The following KCNAB2 variants were observed in gnomAD, a reference collection of about 807,000 sequenced individuals.
KCNAB2 encodes the protein potassium voltage-gated channel subfamily A regulatory beta subunit 2.
A neutral mutation model predicts 63.6 loss-of-function variants in KCNAB2; 29 were observed. That is an observed-to-expected ratio of 0.46 (90% confidence interval 0.34 to 0.62). The LOEUF (loss-of-function observed/expected upper bound fraction) is 0.62, where lower values mean the gene tolerates loss of function less well. Among genes scored for constraint, KCNAB2 ranks in the 20% least tolerant of loss-of-function variants. The probability of loss-of-function intolerance (pLI) is 0.01; values close to 1 mark genes in which losing one functional copy is unlikely to be tolerated. For synonymous variants in KCNAB2, 222 were observed against 224.2 expected (o/e 0.99, Z 0.09); for missense variants, 359 against 563.9 (o/e 0.64, Z 3.68).
intron 2 of KCNAB2, among the ~76,000 whole-genome samples, chr1:6,067,806 G>A (rs1327204373): frequency 1.3e-5 from 2 of 152,164 alleles, no homozygotes; most frequent in Non-Finnish European, 2.9e-5. Flanking sequence ...GAGGAGGGTG[G>A]ATCACTTGAG....
At chr1:6,068,625 G>A (rs913220446) in intron 2 of KCNAB2, among the ~76,000 whole-genome samples, 2 of 152,174 alleles carry the variant, frequency 1.3e-5, no homozygotes, top group Non-Finnish European at 2.9e-5. Context: ...AGAATCCAAA[G>A]CCTGTGCCAT....
chr1:6,082,537 T>C (rs1664298218), intron 5 of KCNAB2, among the ~76,000 whole-genome samples: 1 of 152,190 alleles, frequency 6.6e-6, no homozygotes, highest in Admixed American at 6.5e-5. Flanking sequence ...GATGCTGTGC[T>C]GGGTGAGAGG....
intron 8 of KCNAB2, among the ~76,000 whole-genome samples, chr1:6,089,325 G>C (rs1211507370): frequency 1.3e-5 from 2 of 152,216 alleles, no homozygotes; most frequent in Non-Finnish European, 2.9e-5. Flanking sequence ...TGGGTCTTCA[G>C]CAGGGGCACC....
At chr1:6,039,553 C>T (rs1660327566) in intron 1 of KCNAB2, among the ~76,000 whole-genome samples, 1 of 152,170 alleles carries the variant, frequency 6.6e-6, no homozygotes, top group Non-Finnish European at 1.5e-5. Context: ...CATCACAAAC[C>T]CTGCAGCTTC....
rs146352257 is a variant in KCNAB2, at chr1:6,084,162, T to C, written c.381-1042T>C. On this transcript the variant is annotated intron_variant, in intron 5 of 15. Coordinates refer to ENST00000378083, the MANE Select transcript of KCNAB2 (RefSeq NM_001199862.2). ...ATTGGAATGTAGCACAGAGTATGGA[T>C]CATTCTCCGTCTGTTGTTTTGCTCA... Among the ~76,000 whole-genome samples the C allele has an allele frequency of 2.6e-3, 396 of 152,348 alleles. 2 individuals are homozygous for C. The highest frequency in any genetic ancestry group is 9.1e-3 in the African/African-American group (379 of 41,576).
intron 8 of KCNAB2, among the ~76,000 whole-genome samples, chr1:6,089,281 G>C (rs1557507492): frequency 6.6e-6 from 1 of 152,244 alleles, no homozygotes; most frequent in Admixed American, 6.5e-5. Context: ...ACCAGCCTGG[G>C]TTTCAATCCA....
chr1:6,096,847 G>A lies in KCNAB2; in HGVS notation c.1069+91G>A, dbSNP rs1438302365. On this transcript the variant is annotated intron_variant, in intron 14 of 15. Transcript: ENST00000378083. The surrounding 1 kb of genome is among the most constrained non-coding windows in gnomAD (Gnocchi z 5.9). ...ACAGGGTGGGGTTGCCATGGGGCCA[G>A]TGTCTCCGGGGAGAGAGGGAAGGGA... 33 of 1,423,290 alleles carry A rather than the reference G, an allele frequency of 2.3e-5. No homozygotes were observed. The highest frequency in any genetic ancestry group is 2.9e-5 in the African/African-American group (2 of 69,556). 88.2% of individuals were successfully genotyped at this position (1,423,290 alleles called of 1,614,324 possible). A position where few individuals can be genotyped will look rare whatever the true frequency, so the allele number is the denominator to read the frequency against.
At chr1:6,005,091 G>A (rs567482) in intron 1 of KCNAB2, among the ~76,000 whole-genome samples, 1 of 13,816 alleles carries the variant, frequency 7.2e-5, no homozygotes, top group Non-Finnish European at 2.0e-4. Flanking sequence ...TGAGCTGAGG[G>A]GTGAGGGTAG....
In KCNAB2 at chr1:6,100,308, A is replaced by ATAGGC; in HGVS notation, c.*1734_*1735insTAGGC. ...GAACCCTTGCCCCTCCTCATAGACC[A>ATAGGC]AGTCCCGGGGGTCTCCACTCAGTCC... On this transcript the variant is annotated 3_prime_UTR_variant, in exon 16 of 16. Coordinates refer to ENST00000378083, the MANE Select transcript of KCNAB2 (RefSeq NM_001199862.2). 2.7e-6 allele frequency: 1 copy of ATAGGC among 375,854 alleles called. No individual in the cohort carries two copies. Among genetic ancestry groups the ATAGGC allele is most frequent in the Non-Finnish European group, 4.7e-6 (1 of 211,898 alleles). The allele number at this position is 375,854 out of a possible 1,614,324, so 23.3% of individuals were successfully genotyped here.
chr1:6,044,251 C>T (rs1660739184), upstream of KCNAB2, among the ~76,000 whole-genome samples: 1 of 152,164 alleles, frequency 6.6e-6, no homozygotes, highest in African/African-American at 2.4e-5. Flanking sequence ...GGGAGCAATA[C>T]TTCCATGTAC....
rs1663016923 is a variant in KCNAB2 at position 6,069,450 on chromosome 1, CT to C, written c.219-3304del. Among the ~76,000 whole-genome samples the C allele has an allele frequency of 6.6e-6, 1 of 152,188 alleles. No individual in the cohort carries two copies. The highest frequency in any genetic ancestry group is 6.5e-5 in the Admixed American group (1 of 15,282). On this transcript the variant is annotated intron_variant, in intron 2 of 15. Transcript: ENST00000378083. This position sits in a 1 kb window ranked among gnomAD's most constrained non-coding sequence, Gnocchi z 5.4. ...CTCCACGATGGGCATCAGTGCTCCC[CT>C]CCGGCAGAGGTTATGTCTGTGAGTC...
intron 1 of KCNAB2, among the ~76,000 whole-genome samples, chr1:6,006,090 A>T (rs182735084): frequency 2.7e-4 from 1 of 3,742 alleles, no homozygotes; most frequent in South Asian, 9.8e-3. Flanking sequence ...TTCCCACTCC[A>T]CCCTCACCCC....
intron 5 of KCNAB2, among the ~76,000 whole-genome samples, chr1:6,084,624 T>TA (rs1167442257): frequency 1.3e-5 from 2 of 152,166 alleles, no homozygotes; most frequent in African/African-American, 4.8e-5. Context: ...GAGACCAGCC[T>TA]GGCCAACATA....
At chr1:6,094,016 G>A (rs535421204) in intron 10 of KCNAB2, among the ~76,000 whole-genome samples, 1 of 152,258 alleles carries the variant, frequency 6.6e-6, no homozygotes, top group South Asian at 2.1e-4. Context: ...TCCTTCCTGA[G>A]TGATCGGGGC....
chr1:5,996,161 G>A (rs992360494), intron 1 of KCNAB2: 1 of 152,442 alleles, frequency 6.6e-6, no homozygotes, highest in Non-Finnish European at 1.5e-5. Flanking sequence ...CTCTTCCCCA[G>A]GAGAGAGCAC....
intron 1 of KCNAB2, among the ~76,000 whole-genome samples, chr1:6,048,386 C>T (rs954516732): frequency 6.6e-6 from 1 of 152,236 alleles, no homozygotes; most frequent in Admixed American, 6.5e-5. Context: ...TCATGCAGCC[C>T]ACAGCAGCCT....
At chr1:6,046,580 T>G (rs541453731) in intron 1 of KCNAB2, among the ~76,000 whole-genome samples, 1 of 152,372 alleles carries the variant, frequency 6.6e-6, no homozygotes, top group Admixed American at 6.5e-5. Flanking sequence ...GGTTTGGTCT[T>G]GTCTGAAATG....
chr1:6,004,846 C>T (rs532652845), intron 1 of KCNAB2, among the ~76,000 whole-genome samples: 42 of 151,354 alleles, frequency 2.8e-4, no homozygotes, highest in African/African-American at 8.7e-4. Context: ...CCTCCAGCCC[C>T]GTCTCCCTCC....
chr1:6,021,244 C>A (rs972346401), intron 1 of KCNAB2, among the ~76,000 whole-genome samples: 5 of 152,202 alleles, frequency 3.3e-5, no homozygotes, highest in African/African-American at 1.2e-4. Context: ...GCGATCCACC[C>A]ACCACGGGCT....
Sources: allele counts gnomAD v4.1 joint callset (sites outside exome capture counted in the v4.1 genomes callset), GRCh38; gene constraint gnomAD v4.1.1; non-coding constraint Gnocchi (gnomAD v3.1); transcripts MANE v1.5; gene names NCBI Gene and HGNC (gene_info 2026-07-23, HGNC 2026-07-21).